PTPRT: variants seen among roughly 807,000 people sequenced by gnomAD.
PTPRT encodes receptor-type tyrosine-protein phosphatase T.
Under a neutral mutation model 176.8 loss-of-function variants are expected in PTPRT, and 56 were observed. That is an observed-to-expected ratio of 0.32 (90% CI 0.26 to 0.40). The LOEUF (loss-of-function observed/expected upper bound fraction) is 0.40. PTPRT is among the 10% of genes least tolerant of loss of function. PTPRT has a pLI of 1.00. For missense variants in PTPRT, 1,540 were observed against 1,908.2 expected (o/e 0.81, Z 3.60); for synonymous variants, 783 against 739.0 (o/e 1.06, Z -0.96).
chr20:42,972,770 C>T (rs967949076), intron 1 of PTPRT, among the ~76,000 whole-genome samples: 1 of 150,912 alleles, frequency 6.6e-6, no homozygotes, highest in Non-Finnish European at 1.5e-5. Flanking sequence ...CAGGGAGGTC[C>T]ATGAGCTGGC....
chr20:42,800,436 G>C (rs1428815011), intron 2 of PTPRT, among the ~76,000 whole-genome samples: 1 of 152,176 alleles, frequency 6.6e-6, no homozygotes, highest in Non-Finnish European at 1.5e-5. Flanking sequence ...GCCATATTAA[G>C]AGTAAAGAGA....
rs928866315 is a variant in PTPRT at position 42,122,085 on chromosome 20, GTGA to G, written c.2848-2117_2848-2115del. Among the ~76,000 whole-genome samples the G allele has an allele frequency of 7.2e-5, 11 of 152,260 alleles. No homozygotes were observed. In the South Asian group the frequency reaches 1.2e-3, roughly 17 times the overall value. On this transcript the variant is annotated intron_variant, in intron 19 of 30. Coordinates refer to ENST00000373187, the MANE Select transcript of PTPRT (RefSeq NM_007050.6). Reference sequence around the variant, plus strand: ...AATAGGTGCAATGTATACTATTCAGGTGATGGTTACACTAAAAGCCTATACTTC... The same window carrying G: ...AATAGGTGCAATGTATACTATTCAGGTGGTTACACTAAAAGCCTATACTTC...
intron 8 of PTPRT, among the ~76,000 whole-genome samples, chr20:42,469,907 G>A (rs1279173088): frequency 6.6e-6 from 1 of 152,134 alleles, no homozygotes; most frequent in Admixed American, 6.5e-5. Context: ...AGATTTTGCA[G>A]CTGAGAATGT....
At chr20:42,695,553 A>C (rs1420079193) in intron 6 of PTPRT, among the ~76,000 whole-genome samples, 1 of 152,234 alleles carries the variant, frequency 6.6e-6, no homozygotes, top group East Asian at 1.9e-4. Flanking sequence ...TTAATTTAAA[A>C]TAAGAAAATT....
At chr20:42,591,114 G>GA (rs2073565858) in intron 7 of PTPRT, among the ~76,000 whole-genome samples, 1 of 151,914 alleles carries the variant, frequency 6.6e-6, no homozygotes. Context: ...AGAAAATACA[G>GA]AAAAATAGAA....
chr20:42,085,746 G>A lies in PTPRT; in HGVS notation c.3954C>T (p.Arg1318=). The change falls in exon 28 of 31, where the codon CGC becomes CGT. Residue 1318 remains arginine, a synonymous_variant. Transcript: ENST00000373187. ...TACTTACCCGGGCCATGTTACAGAT[G>A]CGGAATATTCTGTGGATGATGTCCT... ...IDEDIIHRIF[R]ICNMARPQDG... is the part of the protein sequence containing the mutation. 6.2e-7 allele frequency: 1 copy of A among 1,614,038 alleles called. No individual in the cohort carries two copies. The highest frequency in any genetic ancestry group is 8.5e-7 in the Non-Finnish European group (1 of 1,180,012).
intron 6 of PTPRT, among the ~76,000 whole-genome samples, chr20:42,707,817 G>C (rs910914515): frequency 6.6e-6 from 1 of 152,176 alleles, no homozygotes; most frequent in Non-Finnish European, 1.5e-5. Flanking sequence ...GCTTGAAGCA[G>C]ATTTTTATCC....
chr20:43,116,951 G>A (rs942071783), intron 1 of PTPRT, among the ~76,000 whole-genome samples: 11 of 152,180 alleles, frequency 7.2e-5, no homozygotes, highest in African/African-American at 2.7e-4. Flanking sequence ...TCTGTATGTT[G>A]TCTGGGGTCA....
chr20:42,819,863 G>A (rs1300421653), intron 2 of PTPRT, among the ~76,000 whole-genome samples: 1 of 152,134 alleles, frequency 6.6e-6, no homozygotes, highest in Non-Finnish European at 1.5e-5. Context: ...TCAACAAGAA[G>A]AGCTAACTAT....
chr20:42,961,461 A>T (rs1981979349), intron 1 of PTPRT, among the ~76,000 whole-genome samples: 1 of 152,256 alleles, frequency 6.6e-6, no homozygotes, highest in Admixed American at 6.5e-5. Flanking sequence ...AAAAAGAAAG[A>T]TTATAGCTAC....
rs570929053 is a variant in PTPRT, at chr20:42,296,616, A to G, written c.2140-14091T>C. On this transcript the variant is annotated intron_variant, in intron 12 of 30. Coordinates refer to ENST00000373187, the MANE Select transcript of PTPRT (RefSeq NM_007050.6). ...AAATTATGACATAAAAATATATGGCAGAGTTGAGATATCTCAGTCATATCA... is the reference window on the plus strand; with the variant it reads ...AAATTATGACATAAAAATATATGGCGGAGTTGAGATATCTCAGTCATATCA... Among the ~76,000 whole-genome samples, 3 of 152,318 alleles carry G rather than the reference A, an allele frequency of 2.0e-5. No homozygotes were observed. In the South Asian group the frequency reaches 6.2e-4, roughly 32 times the overall value.
intron 6 of PTPRT, among the ~76,000 whole-genome samples, chr20:42,704,728 C>T (rs937463838): frequency 6.6e-6 from 1 of 152,144 alleles, no homozygotes; most frequent in Admixed American, 6.5e-5. Flanking sequence ...GCACCCATCA[C>T]ACCGAACTGT....
chr20:43,188,729 C>G (rs898446969), intron 1 of PTPRT, among the ~76,000 whole-genome samples: 3 of 134,316 alleles, frequency 2.2e-5, no homozygotes, highest in Non-Finnish European at 4.6e-5. Context: ...ACTCCCTTCT[C>G]TTCCCTCCGC....
intron 1 of PTPRT, among the ~76,000 whole-genome samples, chr20:43,001,196 C>T (rs1984534354): frequency 6.6e-6 from 1 of 152,064 alleles, no homozygotes. Context: ...TCTCAAAATA[C>T]AAGGAATCAT....
intron 8 of PTPRT, among the ~76,000 whole-genome samples, chr20:42,469,148 T>C (rs2071150465): frequency 6.6e-6 from 1 of 152,146 alleles, no homozygotes; most frequent in Admixed American, 6.5e-5. Flanking sequence ...TTAGTCCAAT[T>C]TCTTTATATA....
chr20:42,922,790 C>T (rs1371781138), intron 1 of PTPRT, among the ~76,000 whole-genome samples: 1 of 152,154 alleles, frequency 6.6e-6, no homozygotes, highest in East Asian at 1.9e-4. Context: ...CTGAGGGTCA[C>T]TCAAACGCAC....
At chr20:42,177,261 T>C (rs1455467924) in intron 16 of PTPRT, among the ~76,000 whole-genome samples, 1 of 152,074 alleles carries the variant, frequency 6.6e-6, no homozygotes, top group Non-Finnish European at 1.5e-5. Context: ...ACACCTTGAG[T>C]AGTGAGGGAT....
the PTPRT span, among the ~76,000 whole-genome samples, chr20:42,067,203 C>A: frequency 6.6e-6 from 1 of 152,140 alleles, no homozygotes; most frequent in African/African-American, 2.4e-5. Flanking sequence ...CTTTAGCAGG[C>A]CAGAAATTTG....
intron 2 of PTPRT, among the ~76,000 whole-genome samples, chr20:42,859,971 A>G (rs1360311017): frequency 1.3e-5 from 2 of 152,116 alleles, no homozygotes; most frequent in Admixed American, 6.5e-5. Context: ...TGTACCTTCA[A>G]TGGTATCATC....
Sources: gnomAD v4.1 joint callset for allele counts (sites outside exome capture counted in the v4.1 genomes callset) on GRCh38, gnomAD v4.1.1 for gene constraint, MANE v1.5 for transcripts, NCBI Gene and HGNC (gene_info 2026-07-23, HGNC 2026-07-21) for gene names.